The following IL1RAPL2 variants were observed in gnomAD, a reference collection of about 807,000 sequenced individuals.
The protein encoded by IL1RAPL2 is interleukin 1 receptor accessory protein like 2.
A neutral mutation model predicts 44.1 loss-of-function variants in IL1RAPL2; 3 were observed. The ratio of observed to expected loss-of-function variants is 0.07; its 90% CI spans 0.03 to 0.18. IL1RAPL2 has a LOEUF of 0.18. Ranked by LOEUF, IL1RAPL2 falls within the 10% of genes least tolerant of loss-of-function variation. The pLI, the probability that IL1RAPL2 is intolerant of heterozygous loss-of-function variation, is 1.00. For synonymous variants in IL1RAPL2, 181 were observed against 178.8 expected (o/e 1.01, Z -0.10); for missense variants, 391 against 496.4 (o/e 0.79, Z 2.02).
chrX:105,421,719 T>A (rs1375625563), intron 5 of IL1RAPL2, among the ~76,000 whole-genome samples: 2 of 111,434 alleles, frequency 1.8e-5, no homozygotes, highest in Non-Finnish European at 3.8e-5. Context: ...CATACATCAG[T>A]AGGCAGCTAT....
At chrX:104,862,917 A>T (rs1219484133) in intron 2 of IL1RAPL2, among the ~76,000 whole-genome samples, 1 of 111,275 alleles carries the variant, frequency 9.0e-6, no homozygotes, top group African/African-American at 3.3e-5. Context: ...TTGTGGAGGG[A>T]GTATCAGAGG....
chrX:104,607,622 A>G (rs775346157), intron 1 of IL1RAPL2, among the ~76,000 whole-genome samples: 1 of 112,540 alleles, frequency 8.9e-6, no homozygotes, highest in Non-Finnish European at 1.9e-5. Flanking sequence ...GCCAACAAAC[A>G]TACGAAAAAA....
chrX:104,828,817 A>G (rs1216293941), intron 2 of IL1RAPL2, among the ~76,000 whole-genome samples: 2 of 112,657 alleles, frequency 1.8e-5, no homozygotes, highest in Non-Finnish European at 3.8e-5. Flanking sequence ...TCTTTCAGAG[A>G]TGCCCTGCCC....
intron 2 of IL1RAPL2, among the ~76,000 whole-genome samples, chrX:105,081,960 G>C (rs1407125371): frequency 1.8e-5 from 2 of 111,709 alleles, no homozygotes; most frequent in Non-Finnish European, 1.9e-5. Context: ...TCTCCGCCAG[G>C]TTTTGGCATC....
At chrX:104,921,987 G>A (rs371680072) in intron 2 of IL1RAPL2, among the ~76,000 whole-genome samples, 1 of 111,978 alleles carries the variant, frequency 8.9e-6, no homozygotes, top group Non-Finnish European at 1.9e-5. Context: ...GAGAGGCGCC[G>A]CCACCCCCCA....
At chrX:105,012,401 C>A (rs1233604071) in intron 2 of IL1RAPL2, among the ~76,000 whole-genome samples, 1 of 110,578 alleles carries the variant, frequency 9.0e-6, no homozygotes, top group African/African-American at 3.3e-5. Flanking sequence ...GGTTCATGCA[C>A]AGCAAAGACA....
chrX:104,815,714 C>A (rs948794487), intron 2 of IL1RAPL2, among the ~76,000 whole-genome samples: 1 of 111,024 alleles, frequency 9.0e-6, no homozygotes, highest in Non-Finnish European at 1.9e-5. Context: ...AGTCCATGGA[C>A]ACAATTTTGT....
intron 5 of IL1RAPL2, among the ~76,000 whole-genome samples, chrX:105,350,025 G>A (rs2035140676): frequency 8.9e-6 from 1 of 111,970 alleles, no homozygotes; most frequent in African/African-American, 3.2e-5. Flanking sequence ...CAGAATATGT[G>A]GCACTGGACA....
intron 6 of IL1RAPL2, among the ~76,000 whole-genome samples, chrX:105,646,086 AGTG>A (rs2037603312): frequency 9.0e-6 from 1 of 111,074 alleles, no homozygotes; most frequent in South Asian, 3.8e-4. Flanking sequence ...TTTTTGCTTT[AGTG>A]GTGAACCTGG....
intron 2 of IL1RAPL2, among the ~76,000 whole-genome samples, chrX:104,741,585 A>T (rs1212490198): frequency 1.8e-5 from 2 of 111,013 alleles, no homozygotes; most frequent in Non-Finnish European, 3.8e-5. Context: ...ATTAATTTGT[A>T]ATAACATCTA....
chrX:105,071,014 T>C (rs1317976381), intron 2 of IL1RAPL2, among the ~76,000 whole-genome samples: 1 of 111,714 alleles, frequency 9.0e-6, no homozygotes, highest in Non-Finnish European at 1.9e-5. Context: ...CTAGTGTCAC[T>C]GAGGGACTAA....
intron 2 of IL1RAPL2, among the ~76,000 whole-genome samples, chrX:105,005,395 C>T (rs1418789393): frequency 1.8e-5 from 2 of 111,371 alleles, no homozygotes; most frequent in East Asian, 2.9e-4. Context: ...GGACCAACAA[C>T]GTGGGCATCA....
intron 5 of IL1RAPL2, among the ~76,000 whole-genome samples, chrX:105,313,869 C>T (rs1225152589): frequency 9.0e-6 from 1 of 111,131 alleles, no homozygotes; most frequent in African/African-American, 3.3e-5. Flanking sequence ...ACAGAGCTCA[C>T]CATACACTCA....
intron 7 of IL1RAPL2, among the ~76,000 whole-genome samples, chrX:105,739,290 A>G (rs1345216363): frequency 9.0e-6 from 1 of 111,360 alleles, no homozygotes; most frequent in Admixed American, 9.5e-5. Flanking sequence ...TTTATTTATC[A>G]AAGCCTAGTG....
chrX:105,629,134 A>T (rs948234131), intron 6 of IL1RAPL2, among the ~76,000 whole-genome samples: 3 of 108,397 alleles, frequency 2.8e-5, no homozygotes, highest in African/African-American at 6.7e-5. Context: ...TTTCCATTCA[A>T]TTTTTTTTTT....
rs534226166 is a variant in IL1RAPL2, at chrX:104,600,655, A to C, written c.-20+33604A>C. Among the ~76,000 whole-genome samples, 6 of 110,470 alleles carry C rather than the reference A, an allele frequency of 5.4e-5. No individual in the cohort carries two copies. The East Asian group carries it at 1.4e-3, about 26-fold the overall frequency. ...TGAGCATAGTACCCAATAGTTTTTC[A>C]ACACTTGCCCCATTCCCTCTGCCTT... On this transcript the variant is annotated intron_variant, in intron 1 of 10. Coordinates refer to ENST00000372582, the MANE Select transcript of IL1RAPL2 (RefSeq NM_017416.2).
chrX:104,727,321 G>A (rs1417340550), intron 2 of IL1RAPL2, among the ~76,000 whole-genome samples: 3 of 110,587 alleles, frequency 2.7e-5, no homozygotes, highest in Non-Finnish European at 5.7e-5. Context: ...TGGCCAACAA[G>A]CATATGAAAA....
At chrX:105,141,647 C>T (rs1361074600) in intron 2 of IL1RAPL2, among the ~76,000 whole-genome samples, 2 of 111,888 alleles carry the variant, frequency 1.8e-5, no homozygotes, top group Non-Finnish European at 3.8e-5. Context: ...TGGTTGGCTA[C>T]AAGCGTAACA....
chrX:104,695,029 A>G (rs1470598647), intron 2 of IL1RAPL2, among the ~76,000 whole-genome samples: 1 of 112,191 alleles, frequency 8.9e-6, no homozygotes, highest in East Asian at 2.8e-4. Context: ...ACTGTCACTC[A>G]ACAATCCATT....
Sources: gnomAD v4.1 joint callset for allele counts (sites outside exome capture counted in the v4.1 genomes callset) on GRCh38, gnomAD v4.1.1 for gene constraint, MANE v1.5 for transcripts, NCBI Gene and HGNC (gene_info 2026-07-23, HGNC 2026-07-21) for gene names.